VPS13B: variants seen among roughly 807,000 people sequenced by gnomAD.
The protein encoded by VPS13B is intermembrane lipid transfer protein VPS13B.
VPS13B carries 285 observed loss-of-function variants against 426.4 expected under a neutral mutation model. That is an observed-to-expected ratio of 0.67 (90% CI 0.61 to 0.74). The LOEUF (loss-of-function observed/expected upper bound fraction) is 0.74. Among genes scored for constraint, VPS13B ranks in the 30% least tolerant of loss-of-function variants. VPS13B has a pLI of 0.00. For missense variants in VPS13B, 4,537 were observed against 4,782.6 expected (o/e 0.95, Z 1.51); for synonymous variants, 1,676 against 1,676.4 (o/e 1.00, Z 0.01).
intron 2 of VPS13B, among the ~76,000 whole-genome samples, chr8:99,026,865 G>C (rs895938801): frequency 4.6e-5 from 7 of 151,796 alleles, no homozygotes; most frequent in African/African-American, 1.5e-4. Context: ...GTTGGGTCTT[G>C]TTTTATTTAT....
intron 19 of VPS13B, among the ~76,000 whole-genome samples, chr8:99,338,483 T>C (rs1465560251): frequency 6.6e-6 from 1 of 152,116 alleles, no homozygotes; most frequent in African/African-American, 2.4e-5. Flanking sequence ...AAAATTTATA[T>C]AATTATACTT....
In VPS13B at chr8:99,835,326, T is replaced by G. The variant is rs1434569440; in HGVS notation, c.9742+2T>G. 6.2e-7 allele frequency: 1 copy of G among 1,607,788 alleles called. No homozygotes were observed. The highest frequency in any genetic ancestry group is 8.5e-7 in the Non-Finnish European group (1 of 1,174,486). ...TGCTTATAAAGGAAAACATTAAAGG[T>G]ATGTTTTATACTATCGAATTTAGAT... On this transcript the variant is annotated splice_donor_variant, in intron 53 of 61. Transcript: ENST00000357162. LOFTEE classifies it high-confidence loss of function.
intron 21 of VPS13B, among the ~76,000 whole-genome samples, chr8:99,412,400 T>C (rs1588346096): frequency 1.3e-5 from 2 of 152,338 alleles, no homozygotes; most frequent in Admixed American, 1.3e-4. Context: ...GGAATGCTTG[T>C]GATTTTTGCA....
chr8:99,556,426 T>C, intron 30 of VPS13B, 24 bp from the exon 31 acceptor site: 1 of 1,608,678 alleles, frequency 6.2e-7, no homozygotes, highest in Non-Finnish European at 8.5e-7. Flanking sequence ...GTTTTTATTT[T>C]TGTTTTTTTC....
intron 17 of VPS13B, among the ~76,000 whole-genome samples, chr8:99,236,473 C>T (rs1271715516): frequency 6.6e-6 from 1 of 152,144 alleles, no homozygotes; most frequent in Non-Finnish European, 1.5e-5. Flanking sequence ...TGGTCTTGAA[C>T]TCCTGGCCTC....
At chr8:99,541,858 A>C (rs1010158227) in intron 30 of VPS13B, among the ~76,000 whole-genome samples, 1 of 152,166 alleles carries the variant, frequency 6.6e-6, no homozygotes, top group Non-Finnish European at 1.5e-5. Flanking sequence ...TGAAGTTCTT[A>C]TCAGTAATAA....
At chr8:99,265,314 A>G (rs1221650760) in intron 17 of VPS13B, among the ~76,000 whole-genome samples, 1 of 152,134 alleles carries the variant, frequency 6.6e-6, no homozygotes, top group Non-Finnish European at 1.5e-5. Context: ...GGGGAATTGG[A>G]CACAATTCAT....
chr8:99,547,849 G>A (rs1824072935), intron 30 of VPS13B, among the ~76,000 whole-genome samples: 1 of 151,996 alleles, frequency 6.6e-6, no homozygotes, highest in African/African-American at 2.4e-5. Context: ...TGGGCTTCTT[G>A]ATTCACCCCC....
chr8:99,854,022 A>T lies in VPS13B; in HGVS notation c.10633A>T (p.Met3545Leu), dbSNP rs781672013. Reference sequence around the variant, plus strand: ...CTCCGGGGGTAAACAGGTGTTGCCCATGCAGGTCACACAGCACGCCAGGGC... The same window carrying T: ...CTCCGGGGGTAAACAGGTGTTGCCCTTGCAGGTCACACAGCACGCCAGGGC... ...HLSGGKQVLP[M>L]QVTQHARALV... The change falls in exon 56 of 62, where the codon ATG (methionine) becomes TTG (leucine). Residue 3545 changes from methionine to leucine, a missense_variant. Met to Leu is a conservative substitution (Grantham distance 15). Transcript: ENST00000357162. 11 of 1,614,102 alleles carry T rather than the reference A, an allele frequency of 6.8e-6. No homozygotes were observed. In the East Asian group the frequency reaches 1.3e-4, roughly 20 times the overall value.
intron 36 of VPS13B, 27 bp from the exon 37 acceptor site, chr8:99,717,144 A>G: frequency 6.3e-7 from 1 of 1,578,742 alleles, no homozygotes; most frequent in Non-Finnish European, 8.7e-7. Context: ...AGGATGAATT[A>G]TATACTCTTC....
chr8:99,184,184 A>G (rs1388167790), intron 16 of VPS13B, among the ~76,000 whole-genome samples: 1 of 152,208 alleles, frequency 6.6e-6, no homozygotes, highest in Admixed American at 6.5e-5. Flanking sequence ...TGCTGCCATG[A>G]ACATGTAGTC....
At chr8:99,491,518 C>T (rs1158674760) in intron 25 of VPS13B, among the ~76,000 whole-genome samples, 1 of 152,200 alleles carries the variant, frequency 6.6e-6, no homozygotes, top group African/African-American at 2.4e-5. Flanking sequence ...TAGATTTGGT[C>T]TTTTCACATA....
At chr8:99,054,545 C>G (rs957780730) in intron 3 of VPS13B, among the ~76,000 whole-genome samples, 3 of 152,196 alleles carry the variant, frequency 2.0e-5, no homozygotes, top group Non-Finnish European at 2.9e-5. Context: ...TTTTGATGCA[C>G]AACGTATTTA....
intron 23 of VPS13B, among the ~76,000 whole-genome samples, chr8:99,455,318 G>T (rs1345909361): frequency 6.6e-6 from 1 of 152,104 alleles, no homozygotes; most frequent in East Asian, 1.9e-4. Flanking sequence ...AAGAAAAGAG[G>T]TTTAATTTGC....
At chr8:99,618,433 T>A (rs1208853680) in intron 33 of VPS13B, among the ~76,000 whole-genome samples, 1 of 152,184 alleles carries the variant, frequency 6.6e-6, no homozygotes, top group East Asian at 1.9e-4. Flanking sequence ...CCTAGTTAAT[T>A]GCATTCTCAA....
At chr8:99,688,265 CTG>C (rs1272589107) in intron 35 of VPS13B, among the ~76,000 whole-genome samples, 1 of 151,322 alleles carries the variant, frequency 6.6e-6, no homozygotes, top group Non-Finnish European at 1.5e-5. Flanking sequence ...GGAAATCACT[CTG>C]TGGAGACTAG....
At chr8:99,854,634 GCAGGCACAGAGCCCTTT>G (rs59900266) in intron 56 of VPS13B, among the ~76,000 whole-genome samples, 10,148 of 152,154 alleles carry the variant, frequency 0.067, 524 homozygotes, top group African/African-American at 0.14. Flanking sequence ...TTAGCAACTT[GCAGGCACAGAGCCCTTT>G]CTTAGCACAC....
At chr8:99,559,883 A>C (rs1010970173) in intron 31 of VPS13B, among the ~76,000 whole-genome samples, 2 of 152,052 alleles carry the variant, frequency 1.3e-5, no homozygotes, top group Non-Finnish European at 2.9e-5. Context: ...TTGACTTGGC[A>C]ATGTGGGCTC....
intron 23 of VPS13B, among the ~76,000 whole-genome samples, chr8:99,453,867 G>GT (rs1818323585): frequency 6.6e-6 from 1 of 152,248 alleles, no homozygotes; most frequent in African/African-American, 2.4e-5. Context: ...ACAGGGATAC[G>GT]TAATTGTCAC....
Sources: allele counts gnomAD v4.1 joint callset (sites outside exome capture counted in the v4.1 genomes callset), GRCh38; gene constraint gnomAD v4.1.1; transcripts MANE v1.5; gene names NCBI Gene and HGNC (gene_info 2026-07-23, HGNC 2026-07-21).